SPIRE1: variants seen among roughly 807,000 people sequenced by gnomAD.
The protein encoded by SPIRE1 is protein spire homolog 1.
SPIRE1 carries 40 observed loss-of-function variants against 94.1 expected under a neutral mutation model. That is an observed-to-expected ratio of 0.43 (90% CI 0.33 to 0.55). The LOEUF (loss-of-function observed/expected upper bound fraction) is 0.55. SPIRE1 is among the 20% of genes least tolerant of loss of function. SPIRE1 has a pLI of 0.06. For missense variants in SPIRE1, 838 were observed against 975.2 expected, an observed-to-expected ratio of 0.86 and a Z score of 1.87; for synonymous variants, 376 against 371.7, an observed-to-expected ratio of 1.01 and a Z score of -0.13.
chr18:12,608,777 A>C (rs569166925), intron 2 of SPIRE1, among the ~76,000 whole-genome samples: 5 of 152,360 alleles, frequency 3.3e-5, no homozygotes, highest in African/African-American at 1.2e-4. Context: ...TGTTCTACTT[A>C]TTCTCTAATC....
chr18:12,512,448 T>G lies in SPIRE1; in HGVS notation c.807+6A>C. On this transcript the variant is annotated splice_donor_region_variant and intron_variant, in intron 5 of 16. Coordinates refer to ENST00000409402, the MANE Select transcript of SPIRE1 (RefSeq NM_001128626.2). ...AAACAGATCAGAAAGCATTTCCAGC[T>G]CTTACCCAGTCAGCGTTTTTCAGCT... is the stretch of plus-strand genomic sequence containing the variant. 3 of 1,602,410 alleles carry G rather than the reference T, an allele frequency of 1.9e-6. No individual in the cohort carries two copies. Among genetic ancestry groups the G allele is most frequent in the Non-Finnish European group, 2.6e-6 (3 of 1,170,260 alleles).
At chr18:12,461,459 T>C (rs983786419) in intron 12 of SPIRE1, among the ~76,000 whole-genome samples, 31 of 149,340 alleles carry the variant, frequency 2.1e-4, no homozygotes, top group Non-Finnish European at 2.5e-4. Context: ...TGTGTGTATG[T>C]ATGTACATAT....
intron 12 of SPIRE1, among the ~76,000 whole-genome samples, chr18:12,460,961 G>A (rs1435755866): frequency 6.6e-6 from 1 of 152,128 alleles, no homozygotes; most frequent in African/African-American, 2.4e-5. Context: ...CGTGGACTCT[G>A]CTCCCTGCCC....
At chr18:12,477,971 C>T (rs988582267) in intron 10 of SPIRE1, among the ~76,000 whole-genome samples, 1 of 151,884 alleles carries the variant, frequency 6.6e-6, no homozygotes, top group Non-Finnish European at 1.5e-5. Flanking sequence ...TTACAAAGAG[C>T]GGTGAGTGCA....
intron 8 of SPIRE1, among the ~76,000 whole-genome samples, 155 bp downstream of exon 8, chr18:12,492,917 G>C (rs71351485): frequency 0.1 from 15,128 of 152,028 alleles, 1,104 homozygotes; most frequent in Middle Eastern, 0.2. Context: ...AGTGAGAGGG[G>C]GTATGTATAC....
At chr18:12,452,219 CA>C (rs764175332) in intron 16 of SPIRE1, 35 bp downstream of exon 16, 43 of 1,612,162 alleles carry the variant, frequency 2.7e-5, no homozygotes, top group Non-Finnish European at 3.3e-5. Flanking sequence ...TCTTCTTCTG[CA>C]AAGGATGGTT....
intron 2 of SPIRE1, among the ~76,000 whole-genome samples, chr18:12,566,011 C>T (rs775161080): frequency 1.3e-5 from 2 of 148,634 alleles, no homozygotes; most frequent in Non-Finnish European, 3.0e-5. Context: ...CCAGCCTGGG[C>T]GACAATACAA....
intron 9 of SPIRE1, among the ~76,000 whole-genome samples, 163 bp downstream of exon 9, chr18:12,485,796 T>C (rs1323497147): frequency 6.6e-6 from 1 of 152,196 alleles, no homozygotes; most frequent in Non-Finnish European, 1.5e-5. Flanking sequence ...TTTTTACATA[T>C]ATTGTTTTCA....
intron 7 of SPIRE1, among the ~76,000 whole-genome samples, chr18:12,495,060 A>C (rs954108310): frequency 1.3e-5 from 2 of 151,358 alleles, no homozygotes; most frequent in Admixed American, 6.6e-5. Flanking sequence ...AAAAAAAAAA[A>C]AAAAAAACCC....
intron 8 of SPIRE1, among the ~76,000 whole-genome samples, chr18:12,486,452 A>G (rs1432379222): frequency 6.6e-6 from 1 of 152,222 alleles, no homozygotes; most frequent in African/African-American, 2.4e-5. Flanking sequence ...AAGGTGAAAC[A>G]GTTCATAAAA....
At chr18:12,578,256 A>G (rs950862651) in intron 2 of SPIRE1, among the ~76,000 whole-genome samples, 1 of 152,250 alleles carries the variant, frequency 6.6e-6, no homozygotes, top group African/African-American at 2.4e-5. Flanking sequence ...CTAAATGCTC[A>G]TAGCAGCTTT....
chr18:12,626,867 A>AATATATATATATATATATATATATAT (rs1555634098), intron 2 of SPIRE1, among the ~76,000 whole-genome samples: 1 of 110,480 alleles, frequency 9.1e-6, no homozygotes, highest in Non-Finnish European at 1.8e-5. Flanking sequence ...TAAGCTGTAA[A>AATATATATATATATATATATATATAT]ATATATATAT....
intron 2 of SPIRE1, among the ~76,000 whole-genome samples, chr18:12,634,691 T>C (rs943102949): frequency 1.3e-5 from 2 of 152,048 alleles, no homozygotes; most frequent in Non-Finnish European, 2.9e-5. Context: ...TCCCAGCACT[T>C]TGAAAGGCCA....
intron 2 of SPIRE1, among the ~76,000 whole-genome samples, chr18:12,615,899 C>T (rs2037294495): frequency 6.6e-6 from 1 of 152,144 alleles, no homozygotes. Flanking sequence ...AATACTATTC[C>T]TTCTCATAAG....
At chr18:12,658,662 C>CGGGCCCT (rs1174118766), upstream of SPIRE1, 9 of 465,862 alleles carry the variant, frequency 1.9e-5, no homozygotes, top group Non-Finnish European at 3.6e-5. Flanking sequence ...GCCTCCCCGC[C>CGGGCCCT]GGGCCCTGGG....
chr18:12,658,327 C>G (rs1389144714), upstream of SPIRE1: 1 of 437,846 alleles, frequency 2.3e-6, no homozygotes, highest in Non-Finnish European at 4.5e-6. Flanking sequence ...AAGGGACACA[C>G]AGCTGGGGGC....
At chr18:12,523,329 G>A (rs148377923) in intron 4 of SPIRE1, among the ~76,000 whole-genome samples, 84 of 152,302 alleles carry the variant, frequency 5.5e-4, no homozygotes, top group African/African-American at 2.0e-3. Context: ...AAGGAAAGTA[G>A]TTTACTGACA....
At chr18:12,452,594 TG>T (rs2031301266) in intron 14 of SPIRE1, 82 bp from the exon 15 acceptor site, 1 of 1,398,186 alleles carries the variant, frequency 7.2e-7, no homozygotes. Context: ...GCAGTACAGT[TG>T]TAAGTTTCCA....
chr18:12,456,406 A>G (rs1289611523), intron 12 of SPIRE1, among the ~76,000 whole-genome samples: 1 of 152,216 alleles, frequency 6.6e-6, no homozygotes, highest in Non-Finnish European at 1.5e-5. Flanking sequence ...CTTTTAATGT[A>G]TTTCAGAAGT....
Sources: gnomAD v4.1 joint callset for allele counts (sites outside exome capture counted in the v4.1 genomes callset) on GRCh38, gnomAD v4.1.1 for gene constraint, MANE v1.5 for transcripts, NCBI Gene and HGNC (gene_info 2026-07-23, HGNC 2026-07-21) for gene names.